CYP46A1: variants seen among roughly 807,000 people sequenced by gnomAD.
CYP46A1 encodes cytochrome P450 family 46 subfamily A member 1, also known as cholesterol 24-hydroxylase.
Under a neutral mutation model 63.3 loss-of-function variants are expected in CYP46A1, and 20 were observed. That is an observed-to-expected ratio of 0.32 (90% CI 0.22 to 0.46). The LOEUF is 0.46. Among genes scored for constraint, CYP46A1 ranks in the 20% least tolerant of loss-of-function variants. The probability of loss-of-function intolerance (pLI) is 1.00; values close to 1 mark genes in which losing one functional copy is unlikely to be tolerated. For synonymous variants in CYP46A1, 268 were observed against 273.6 expected (o/e 0.98, Z 0.20); for missense variants, 445 against 670.8 (o/e 0.66, Z 3.72).
At position 99,706,668 on chromosome 14, in the gene CYP46A1, A is replaced by G. The variant is rs1480523297; in HGVS notation, c.465A>G (p.Glu155=). Reference sequence around the variant, plus strand: ...CCAGCTCCTTGGTTAGCTTAATGGAAACATTCAACGAGAAGGCTGAGCAGC... The same window carrying G: ...CCAGCTCCTTGGTTAGCTTAATGGAGACATTCAACGAGAAGGCTGAGCAGC... ...FSRSSLVSLM[E]TFNEKAEQLV... is the part of the protein sequence containing the mutation. The change falls in exon 6 of 15, where the codon GAA becomes GAG. Residue 155 remains glutamate, a synonymous_variant. Coordinates refer to ENST00000261835, the MANE Select transcript of CYP46A1 (RefSeq NM_006668.2). 2 of 1,613,830 alleles carry G rather than the reference A, an allele frequency of 1.2e-6. No homozygotes were observed. Among genetic ancestry groups the G allele is most frequent in the Non-Finnish European group, 8.5e-7 (1 of 1,180,024 alleles).
chr14:99,727,154 A>C lies in CYP46A1; in HGVS notation c.*427A>C. 5.7e-6 allele frequency: 1 copy of C among 176,442 alleles called. No individual in the cohort carries two copies. Among genetic ancestry groups the C allele is most frequent in the East Asian group, 1.5e-4 (1 of 6,740 alleles). 10.9% of individuals were successfully genotyped at this position (176,442 alleles called of 1,614,324 possible). A position where few individuals can be genotyped will look rare whatever the true frequency, so the allele number is the denominator to read the frequency against. Reference sequence around the variant, plus strand: ...TCTAACACCACACTGACCACACTGTATCGTGAGTGTCCGTTGACGTGACCA... The same window carrying C: ...TCTAACACCACACTGACCACACTGTCTCGTGAGTGTCCGTTGACGTGACCA... On this transcript the variant is annotated 3_prime_UTR_variant, in exon 15 of 15. Coordinates refer to ENST00000261835, the MANE Select transcript of CYP46A1 (RefSeq NM_006668.2).
At position 99,691,806 on chromosome 14, in the gene CYP46A1, G is replaced by A. The variant is rs759291829; in HGVS notation, c.227G>A (p.Arg76Gln). Residue 76 changes from arginine to glutamine, a missense_variant, in exon 3 of 15, where the codon CGG (arginine) becomes CAG (glutamine). Arg to Gln is a conservative substitution (Grantham distance 43). Coordinates refer to ENST00000261835, the MANE Select transcript of CYP46A1 (RefSeq NM_006668.2). The stretch of plus-strand genomic sequence containing the variant: ...GCTAAGAAGTATGGACCTGTTGTGC[G>A]GGTCAACGTCTTCCACAAAACCTCA... ...DWAKKYGPVV[R>Q]VNVFHKTSVI... is the part of the protein sequence containing the mutation. 4.3e-6 allele frequency: 7 copies of A among 1,614,048 alleles called. No individual in the cohort carries two copies. Among genetic ancestry groups the A allele is most frequent in the South Asian group, 2.2e-5 (2 of 91,090 alleles).
chr14:99,687,415 G>A (rs1373559768), intron 1 of CYP46A1, among the ~76,000 whole-genome samples: 1 of 152,216 alleles, frequency 6.6e-6, no homozygotes, highest in Non-Finnish European at 1.5e-5. Flanking sequence ...GGGTGGGGCT[G>A]TTCAGCAAGG....
At chr14:99,694,295 CTTTT>C (rs35121420) in intron 3 of CYP46A1, among the ~76,000 whole-genome samples, 4 of 137,108 alleles carry the variant, frequency 2.9e-5, no homozygotes, top group South Asian at 2.3e-4. Flanking sequence ...GATTTTCTTT[CTTTT>C]TTTTTTTTTA....
chr14:99,712,687 G>A (rs1009175925), intron 7 of CYP46A1: 32 of 152,154 alleles, frequency 2.1e-4, no homozygotes, highest in Admixed American at 2.0e-3. Context: ...CTCATGGATC[G>A]AAAGAATTAA....
chr14:99,714,610 A>C (rs1296899609), intron 7 of CYP46A1, among the ~76,000 whole-genome samples: 2 of 152,122 alleles, frequency 1.3e-5, no homozygotes, highest in Non-Finnish European at 2.9e-5. Context: ...AATACAAAAA[A>C]TTAGCCAGGC....
chr14:99,692,628 G>T (rs1050948581), intron 3 of CYP46A1, among the ~76,000 whole-genome samples: 1 of 149,464 alleles, frequency 6.7e-6, no homozygotes, highest in Non-Finnish European at 1.5e-5. Flanking sequence ...TCAGGAGTTC[G>T]CGACCAGCCT....
intron 1 of CYP46A1, among the ~76,000 whole-genome samples, chr14:99,685,973 CTG>C (rs1340446188): frequency 1.3e-5 from 2 of 152,166 alleles, no homozygotes; most frequent in Non-Finnish European, 2.9e-5. Context: ...CCTGAAATCA[CTG>C]TAATTTTCCT....
chr14:99,695,877 C>T (rs536061143), intron 3 of CYP46A1, among the ~76,000 whole-genome samples: 10 of 152,180 alleles, frequency 6.6e-5, no homozygotes, highest in African/African-American at 2.4e-4. Flanking sequence ...GTGATCTGCC[C>T]ACCTCAGCCT....
rs372397861 is a variant in CYP46A1, at chr14:99,717,795, T to TC, written c.908-252dup. 142 of 436,974 alleles carry TC rather than the reference T, an allele frequency of 3.2e-4. 2 individuals carry two copies. The highest frequency in any genetic ancestry group is 2.4e-3 in the Middle Eastern group (4 of 1,674). The allele number at this position is 436,974 out of a possible 1,614,324, so 27.1% of individuals were successfully genotyped here. A position where few individuals can be genotyped will look rare whatever the true frequency, so the allele number is the denominator to read the frequency against. On this transcript the variant is annotated intron_variant, in intron 9 of 14. Transcript: ENST00000261835. Reference sequence around the variant, plus strand: ...TTGGGCTCACGGACTTTGAATTGTGTCCCCCCCACTCTCCCTGCTGTGTGA... The same window carrying TC: ...TTGGGCTCACGGACTTTGAATTGTGTCCCCCCCCACTCTCCCTGCTGTGTGA...
chr14:99,705,184 A>G (rs933239977), intron 5 of CYP46A1, among the ~76,000 whole-genome samples: 11 of 152,152 alleles, frequency 7.2e-5, no homozygotes, highest in African/African-American at 2.2e-4. Flanking sequence ...AAAGCTGGTT[A>G]CTATTTTAGT....
At chr14:99,724,806 G>A (rs1167666609) in intron 12 of CYP46A1, among the ~76,000 whole-genome samples, 2 of 152,184 alleles carry the variant, frequency 1.3e-5, no homozygotes, top group South Asian at 2.1e-4. Context: ...GCCAGGGGTG[G>A]AACAGGCTTA....
At chr14:99,711,435 CT>C (rs1327122724) in intron 7 of CYP46A1, 1 of 151,752 alleles carries the variant, frequency 6.6e-6, no homozygotes, top group Non-Finnish European at 1.5e-5. Context: ...AAAGCAGAAA[CT>C]AAAAAGGAGA....
At chr14:99,697,333 T>A (rs1345373692) in intron 3 of CYP46A1, among the ~76,000 whole-genome samples, 1 of 152,154 alleles carries the variant, frequency 6.6e-6, no homozygotes, top group Non-Finnish European at 1.5e-5. Context: ...TTCTCCCTGG[T>A]ACTTTGTTCT....
chr14:99,702,740 T>G (rs1233816716), intron 5 of CYP46A1, among the ~76,000 whole-genome samples: 2 of 152,130 alleles, frequency 1.3e-5, no homozygotes, highest in Non-Finnish European at 2.9e-5. Context: ...AAAAACCATT[T>G]AAGAGTTAGA....
At chr14:99,699,372 A>C in intron 3 of CYP46A1, 94 bp from the exon 4 acceptor site, 1 of 1,225,570 alleles carries the variant, frequency 8.2e-7, no homozygotes, top group Non-Finnish European at 1.2e-6. Context: ...GCTGAGACTC[A>C]GCCAATGGTG....
chr14:99,713,498 G>A (rs971417636), intron 7 of CYP46A1: 2 of 151,152 alleles, frequency 1.3e-5, no homozygotes, highest in Non-Finnish European at 2.9e-5. Context: ...AACACTAGAA[G>A]AAAACATAGG....
intron 7 of CYP46A1, chr14:99,710,596 G>A (rs2056720566): frequency 6.6e-6 from 1 of 152,132 alleles, no homozygotes; most frequent in South Asian, 2.1e-4. Context: ...ATTATATAAT[G>A]ATAAAGGGAT....
At chr14:99,718,394 A>G (rs1047270632) in intron 10 of CYP46A1, among the ~76,000 whole-genome samples, 1 of 152,090 alleles carries the variant, frequency 6.6e-6, no homozygotes, top group Non-Finnish European at 1.5e-5. Context: ...CTCCCGACTC[A>G]TGAGTGTGTT....
Sources: allele counts gnomAD v4.1 joint callset (sites outside exome capture counted in the v4.1 genomes callset), GRCh38; gene constraint gnomAD v4.1.1; transcripts MANE v1.5; gene names NCBI Gene and HGNC (gene_info 2026-07-23, HGNC 2026-07-21).